Variants in TBXAS1 observed in about 807,000 individuals in gnomAD.
The protein encoded by TBXAS1 is thromboxane-A synthase.
Under a neutral mutation model 60.7 loss-of-function variants are expected in TBXAS1, and 48 were observed. The observed-to-expected ratio is 0.79, with a 90% confidence interval of 0.63 to 1.01. TBXAS1 has a LOEUF of 1.01. Ranked by LOEUF, TBXAS1 falls within the 50% of genes least tolerant of loss-of-function variation. The pLI, the probability that TBXAS1 is intolerant of heterozygous loss-of-function variation, is 0.00. For missense variants in TBXAS1, 685 were observed against 686.3 expected, an observed-to-expected ratio of 1.00 and a Z score of 0.02; for synonymous variants, 287 against 269.7, an observed-to-expected ratio of 1.06 and a Z score of -0.63.
rs61551753 is a variant in TBXAS1, at chr7:139,939,370, C to CAAAAAAAA, written c.450+3080_450+3087dup. On this transcript the variant is annotated intron_variant, in intron 5 of 12. Coordinates refer to ENST00000448866, the MANE Select transcript of TBXAS1 (RefSeq NM_001061.7). ...CAGAGTAAGACTCCAGACTCCATCT[C>CAAAAAAAA]AAAAAAAAAAAAAAAAAAAAAAAAG... 2.0e-4 allele frequency among the ~76,000 whole-genome samples: 10 copies of CAAAAAAAA among 48,850 alleles called. 1 individual carries two copies. Among genetic ancestry groups the CAAAAAAAA allele is most frequent in the Admixed American group, 7.1e-4 (2 of 2,810 alleles). 32.0% of individuals were successfully genotyped at this position (48,850 alleles called of 152,430 possible).
At chr7:139,936,365 A>T in intron 5 of TBXAS1, 58 bp downstream of exon 5, 1 of 1,544,590 alleles carries the variant, frequency 6.5e-7, no homozygotes. Context: ...TTCTCTCCAA[A>T]TCGTGATGAG....
chr7:139,928,592 C>T (rs1176097091), intron 4 of TBXAS1, among the ~76,000 whole-genome samples: 8 of 152,118 alleles, frequency 5.3e-5, no homozygotes, highest in Non-Finnish European at 1.2e-4. Flanking sequence ...ATGTTCGATT[C>T]GACTGGGATA....
intron 1 of TBXAS1, among the ~76,000 whole-genome samples, chr7:139,856,660 C>A (rs962418446): frequency 1.3e-5 from 2 of 152,124 alleles, no homozygotes; most frequent in Admixed American, 1.3e-4. Context: ...GAGCGTCATG[C>A]GCCTTCATGG....
intron 1 of TBXAS1, among the ~76,000 whole-genome samples, chr7:139,844,228 C>T (rs1799656517): frequency 6.6e-6 from 1 of 152,116 alleles, no homozygotes; most frequent in Non-Finnish European, 1.5e-5. Context: ...AGGAGGCATC[C>T]AACCCCCAGC....
At chr7:139,990,718 A>C (rs1184338954) in intron 9 of TBXAS1, among the ~76,000 whole-genome samples, 130 of 80,716 alleles carry the variant, frequency 1.6e-3, no homozygotes, top group South Asian at 5.0e-3. Context: ...CCCCACTACC[A>C]CTCTCATCTG....
At chr7:139,961,094 G>A (rs1374759959) in intron 8 of TBXAS1, among the ~76,000 whole-genome samples, 1 of 152,062 alleles carries the variant, frequency 6.6e-6, no homozygotes, top group African/African-American at 2.4e-5. Context: ...AAGGTAGGGG[G>A]AAATGGAAAA....
intron 4 of TBXAS1, among the ~76,000 whole-genome samples, chr7:139,816,000 A>C (rs1390472917): frequency 6.6e-6 from 1 of 152,086 alleles, no homozygotes; most frequent in Non-Finnish European, 1.5e-5. Context: ...TTGTCAAGGG[A>C]GGGATCTGGT....
chr7:139,789,769 C>A, intron 4 of TBXAS1: 1 of 151,892 alleles, frequency 6.6e-6, no homozygotes, highest in Non-Finnish European at 1.5e-5. Flanking sequence ...TAGCTGGGAT[C>A]ACAGGTGCCT....
At chr7:139,861,857 A>G (rs2116724607) in intron 1 of TBXAS1, among the ~76,000 whole-genome samples, 1 of 152,292 alleles carries the variant, frequency 6.6e-6, no homozygotes, top group African/African-American at 2.4e-5. Flanking sequence ...ATCCAGGGGA[A>G]TATTGGTTTC....
At chr7:139,827,590 C>T (rs904370027), upstream of TBXAS1, among the ~76,000 whole-genome samples, 1 of 152,120 alleles carries the variant, frequency 6.6e-6, no homozygotes, top group Non-Finnish European at 1.5e-5. Context: ...GTGATTTATG[C>T]TTTAAAGAGG....
chr7:139,897,888 C>A (rs1804234343), intron 3 of TBXAS1, among the ~76,000 whole-genome samples: 1 of 152,202 alleles, frequency 6.6e-6, no homozygotes, highest in Admixed American at 6.5e-5. Context: ...CAAGAAAACT[C>A]TCCCTGGTAG....
intron 9 of TBXAS1, among the ~76,000 whole-genome samples, chr7:139,993,255 C>T (rs1813054289): frequency 6.6e-6 from 1 of 152,132 alleles, no homozygotes; most frequent in South Asian, 2.1e-4. Flanking sequence ...CCCTAATAAC[C>T]TTCCAGAGGC....
At chr7:139,826,940 G>A (rs141885628), upstream of TBXAS1, among the ~76,000 whole-genome samples, 155 of 152,202 alleles carry the variant, frequency 1.0e-3, no homozygotes, top group African/African-American at 3.7e-3. Context: ...TCAATGAATG[G>A]CACCTGATAT....
chr7:139,964,273 C>CG (rs1467892461), intron 9 of TBXAS1, among the ~76,000 whole-genome samples: 1 of 152,124 alleles, frequency 6.6e-6, no homozygotes, highest in Non-Finnish European at 1.5e-5. Context: ...TTAGTAGATA[C>CG]GGGGTTTCAC....
At chr7:140,018,461 C>A (rs1815277456) in intron 12 of TBXAS1, among the ~76,000 whole-genome samples, 1 of 152,178 alleles carries the variant, frequency 6.6e-6, no homozygotes. Context: ...CATATGCCTT[C>A]ATTCCTGAGG....
intron 3 of TBXAS1, among the ~76,000 whole-genome samples, chr7:139,887,693 C>T (rs1289275911): frequency 6.6e-6 from 1 of 152,188 alleles, no homozygotes; most frequent in Non-Finnish European, 1.5e-5. Context: ...GAGTGTGTTA[C>T]TTCCAGCATT....
intron 9 of TBXAS1, among the ~76,000 whole-genome samples, chr7:140,001,681 C>T (rs756604227): frequency 6.6e-5 from 10 of 152,172 alleles, no homozygotes; most frequent in Non-Finnish European, 1.3e-4. Flanking sequence ...CGTGAGCCAC[C>T]GTGACTGGCC....
chr7:139,874,670 A>C (rs1037803017), intron 2 of TBXAS1, among the ~76,000 whole-genome samples: 1 of 151,920 alleles, frequency 6.6e-6, no homozygotes, highest in African/African-American at 2.4e-5. Flanking sequence ...CTCACAACAC[A>C]AATCTACCAT....
intron 5 of TBXAS1, among the ~76,000 whole-genome samples, chr7:139,948,922 C>T (rs531038575): frequency 1.4e-3 from 218 of 152,324 alleles, no homozygotes; most frequent in African/African-American, 4.9e-3. Flanking sequence ...AGATTATGCT[C>T]GGCTGTCTTA....
Sources: gnomAD v4.1 joint callset for allele counts (sites outside exome capture counted in the v4.1 genomes callset) on GRCh38, gnomAD v4.1.1 for gene constraint, MANE v1.5 for transcripts, NCBI Gene and HGNC (gene_info 2026-07-23, HGNC 2026-07-21) for gene names.